The following PRR14L variants were observed in gnomAD, a reference collection of about 807,000 sequenced individuals.
PRR14L encodes the protein protein PRR14L.
PRR14L carries 80 observed loss-of-function variants against 155.0 expected under a neutral mutation model. The ratio of observed to expected loss-of-function variants is 0.52; its 90% CI spans 0.43 to 0.62. The LOEUF (loss-of-function observed/expected upper bound fraction) is 0.62. Among genes scored for constraint, PRR14L ranks in the 20% least tolerant of loss-of-function variants. The pLI is 0.00. For synonymous variants in PRR14L, 883 were observed against 916.0 expected (o/e 0.96, Z 0.65); for missense variants, 2,469 against 2,548.0 (o/e 0.97, Z 0.67).
At chr22:31,709,402 C>A (rs1322825789) in intron 4 of PRR14L, among the ~76,000 whole-genome samples, 1 of 151,170 alleles carries the variant, frequency 6.6e-6, no homozygotes, top group Admixed American at 6.6e-5. Flanking sequence ...CAGGCATAAG[C>A]CACTACACCC....
rs542342357 is a variant in PRR14L, at chr22:31,704,443, T to A, written c.5828+212A>T. 444 of 392,032 alleles carry A rather than the reference T, an allele frequency of 1.1e-3. 1 individual carries two copies. Among genetic ancestry groups the A allele is most frequent in the African/African-American group, 8.8e-3 (423 of 48,134 alleles). The allele number at this position is 392,032 out of a possible 1,614,324, so 24.3% of individuals were successfully genotyped here. A position where few individuals can be genotyped will look rare whatever the true frequency, so the allele number is the denominator to read the frequency against. ...TTAGTGATTTTCACTTTTTTTTTTT[T>A]AACAAATTGTATTATTACACATTCC... On this transcript the variant is annotated intron_variant, in intron 5 of 8. Coordinates refer to ENST00000327423, the MANE Select transcript of PRR14L (RefSeq NM_173566.3).
chr22:31,688,895 T>TACACACACACACAC lies in PRR14L; in HGVS notation c.6108-669_6108-668insGTGTGTGTGTGTGT, dbSNP rs1170285977. Among the ~76,000 whole-genome samples the TACACACACACACAC allele has an allele frequency of 9.0e-4, 123 of 136,278 alleles. 1 individual carries two copies. Among genetic ancestry groups the TACACACACACACAC allele is most frequent in the African/African-American group, 3.6e-3 (120 of 33,368 alleles). The allele number at this position is 136,278 out of a possible 152,430, so 89.4% of individuals were successfully genotyped here. On this transcript the variant is annotated intron_variant, in intron 7 of 8. Coordinates refer to ENST00000327423, the MANE Select transcript of PRR14L (RefSeq NM_173566.3). ...CAAAGACCCTGTCTCTTAAAAAATA[T>TACACACACACACAC]ATACATACACACACACACACACACA...
rs773535448 is a variant in PRR14L at position 31,716,224 on chromosome 22, T to C, written c.1615A>G (p.Lys539Glu). The C allele has an allele frequency of 3.9e-6, 6 of 1,551,548 alleles. No individual in the cohort carries two copies. The highest frequency in any genetic ancestry group is 1.7e-4 in the Middle Eastern group (1 of 5,990). The change falls in exon 4 of 9, where the codon AAA (lysine) becomes GAA (glutamate). Residue 539 changes from lysine (K) to glutamate (E), a missense_variant. Lys to Glu is a moderately conservative substitution (Grantham distance 56, BLOSUM62 1). This residue lies in a region of PRR14L where 2,363 missense variants were observed against 2,371.6 expected (regional missense o/e 1.00). Coordinates refer to ENST00000327423, the MANE Select transcript of PRR14L (RefSeq NM_173566.3). ...PNILSKSFYTKDCNSLVSIQR... is the reference protein window; with the variant it reads ...PNILSKSFYTEDCNSLVSIQR... ...ATGCTGACTAAGGAGTTACAGTCTT[T>C]AGTGTAAAAAGATTTACTTAATATA...
At chr22:31,746,862 T>A (rs1417076626) in intron 1 of PRR14L, among the ~76,000 whole-genome samples, 2 of 151,200 alleles carry the variant, frequency 1.3e-5, no homozygotes, top group Non-Finnish European at 2.9e-5. Flanking sequence ...AGTGGCGCGA[T>A]CTTGGCTCAC....
Position 31,685,254 on chromosome 22 carries a change from G to A in PRR14L, c.*273C>T. On this transcript the variant is annotated 3_prime_UTR_variant, in exon 9 of 9. Transcript: ENST00000327423. Reference sequence around the variant, plus strand: ...GTGGATGGCAGAGACTGAGGAGGTGGCTGGATGTCGTTCAGGTCCATTTCC... The same window carrying A: ...GTGGATGGCAGAGACTGAGGAGGTGACTGGATGTCGTTCAGGTCCATTTCC... 2.9e-6 allele frequency: 1 copy of A among 343,486 alleles called. No homozygotes were observed. The highest frequency in any genetic ancestry group is 5.3e-6 in the Non-Finnish European group (1 of 188,464). 21.3% of individuals were successfully genotyped at this position (343,486 alleles called of 1,614,324 possible). A position where few individuals can be genotyped will look rare whatever the true frequency, so the allele number is the denominator to read the frequency against.
At chr22:31,699,936 G>A (rs1427937678) in intron 7 of PRR14L, among the ~76,000 whole-genome samples, 1 of 151,512 alleles carries the variant, frequency 6.6e-6, no homozygotes, top group African/African-American at 2.4e-5. Flanking sequence ...CCTAGGTTTA[G>A]GCAAAGATTT....
At chr22:31,741,612 C>T (rs2074813516) in intron 1 of PRR14L, among the ~76,000 whole-genome samples, 1 of 152,196 alleles carries the variant, frequency 6.6e-6, no homozygotes, top group Non-Finnish European at 1.5e-5. Flanking sequence ...TGGCTCATGC[C>T]TATAATCCCA....
At chr22:31,744,063 G>A (rs560609256) in intron 1 of PRR14L, among the ~76,000 whole-genome samples, 1 of 148,092 alleles carries the variant, frequency 6.8e-6, no homozygotes, top group South Asian at 2.1e-4. Context: ...TGTCGCCCAG[G>A]CTGGAGTGTG....
chr22:31,727,454 C>G (rs1229884477), intron 2 of PRR14L, among the ~76,000 whole-genome samples: 1 of 151,532 alleles, frequency 6.6e-6, no homozygotes, highest in African/African-American at 2.4e-5. Flanking sequence ...AAGCTGGTCT[C>G]GAACTCCTGA....
intron 2 of PRR14L, among the ~76,000 whole-genome samples, chr22:31,735,118 T>C (rs1024767822): frequency 2.6e-5 from 4 of 152,060 alleles, no homozygotes; most frequent in African/African-American, 9.7e-5. Context: ...CTGGTGGAGC[T>C]GGGAGGGAGA....
intron 7 of PRR14L, among the ~76,000 whole-genome samples, chr22:31,692,120 G>A (rs759560031): frequency 2.0e-5 from 3 of 151,812 alleles, no homozygotes; most frequent in African/African-American, 2.4e-5. Context: ...TGCCCACCTC[G>A]GCCTCCCAAA....
intron 2 of PRR14L, among the ~76,000 whole-genome samples, chr22:31,731,285 C>T (rs2074747761): frequency 6.6e-6 from 1 of 152,118 alleles, no homozygotes; most frequent in African/African-American, 2.4e-5. Flanking sequence ...CCATGTTAGG[C>T]TGGGCGCCGT....
chr22:31,717,585 T>C (rs2074667309), intron 3 of PRR14L, among the ~76,000 whole-genome samples: 1 of 152,226 alleles, frequency 6.6e-6, no homozygotes, highest in Non-Finnish European at 1.5e-5. Context: ...AATATGTTCC[T>C]ATGTTGTATT....
At chr22:31,745,498 C>G (rs1214182933) in intron 1 of PRR14L, among the ~76,000 whole-genome samples, 1 of 152,162 alleles carries the variant, frequency 6.6e-6, no homozygotes, top group Non-Finnish European at 1.5e-5. Flanking sequence ...AGAAGACATT[C>G]AAGTTCTTTA....
At chr22:31,698,724 T>A (rs1359459891) in intron 7 of PRR14L, among the ~76,000 whole-genome samples, 1 of 151,748 alleles carries the variant, frequency 6.6e-6, no homozygotes, top group Non-Finnish European at 1.5e-5. Context: ...ATCAAGACCA[T>A]CCTGGCTAAC....
chr22:31,703,797 A>AAT, intron 5 of PRR14L, 76 bp from the exon 6 acceptor site: 1 of 659,268 alleles, frequency 1.5e-6, no homozygotes, highest in Non-Finnish European at 2.2e-6. Context: ...CTTCTTCTTC[A>AAT]TTTTTTTTTT....
intron 2 of PRR14L, among the ~76,000 whole-genome samples, chr22:31,726,334 T>G (rs563960697): frequency 6.6e-6 from 1 of 152,138 alleles, no homozygotes; most frequent in East Asian, 1.9e-4. Context: ...TTTCCCCATG[T>G]TGGCCAGGCT....
At chr22:31,698,526 C>A (rs2074546507) in intron 7 of PRR14L, among the ~76,000 whole-genome samples, 1 of 147,414 alleles carries the variant, frequency 6.8e-6, no homozygotes, top group Admixed American at 6.8e-5. Context: ...TAGAGCAAAA[C>A]TACATCTCAA....
chr22:31,713,941 C>A lies in PRR14L; in HGVS notation c.3898G>T (p.Val1300Leu). 1 of 1,551,616 alleles carries A rather than the reference C, an allele frequency of 6.4e-7. No homozygotes were observed. Among genetic ancestry groups the A allele is most frequent in the South Asian group, 1.2e-5 (1 of 84,058 alleles). ...DWSNSSDRDSVCTCVEKNACK... is the reference protein window; with the variant it reads ...DWSNSSDRDSLCTCVEKNACK... Reference sequence around the variant, plus strand: ...GCATTCTTTTCCACACAGGTACATACGCTGTCTCTGTCACTAGAATTACTC... The same window carrying A: ...GCATTCTTTTCCACACAGGTACATAAGCTGTCTCTGTCACTAGAATTACTC... The change falls in exon 4 of 9, where the codon GTA becomes TTA. Residue 1300 changes from valine (V) to leucine (L), a missense_variant. By Grantham distance (32) the Val-to-Leu change is conservative. Transcript: ENST00000327423.
Sources: allele counts gnomAD v4.1 joint callset (sites outside exome capture counted in the v4.1 genomes callset), GRCh38; gene constraint gnomAD v4.1.1; regional missense constraint gnomAD v4.1.1; transcripts MANE v1.5; gene names NCBI Gene and HGNC (gene_info 2026-07-23, HGNC 2026-07-21).